Variants in ATP11B observed in about 807,000 individuals in gnomAD.
ATP11B encodes phospholipid-transporting ATPase IF.
ATP11B carries 81 observed loss-of-function variants against 157.8 expected under a neutral mutation model. That is an observed-to-expected ratio of 0.51 (90% CI 0.43 to 0.62). The LOEUF (loss-of-function observed/expected upper bound fraction) is 0.62. ATP11B is among the 20% of genes least tolerant of loss of function. The probability of loss-of-function intolerance (pLI) is 0.00; values close to 1 mark genes in which losing one functional copy is unlikely to be tolerated. For missense variants in ATP11B, 1,165 were observed against 1,402.2 expected (o/e 0.83, Z 2.70); for synonymous variants, 451 against 469.4 (o/e 0.96, Z 0.51).
At chr3:182,796,927 T>G (rs1294582584) in intron 1 of ATP11B, among the ~76,000 whole-genome samples, 1 of 152,216 alleles carries the variant, frequency 6.6e-6, no homozygotes, top group Non-Finnish European at 1.5e-5. Context: ...ATGTAATCCC[T>G]TTAGATTGTA....
At chr3:182,848,337 C>T (rs891555531) in intron 9 of ATP11B, 139 bp from the exon 10 acceptor site, 3 of 416,844 alleles carry the variant, frequency 7.2e-6, no homozygotes, top group African/African-American at 6.3e-5. Context: ...TTTTAGTACT[C>T]TGAAAATACT....
At chr3:182,844,525 C>T (rs1719313120) in intron 8 of ATP11B, 6 of 978,646 alleles carry the variant, frequency 6.1e-6, no homozygotes, top group Non-Finnish European at 7.3e-6. Flanking sequence ...TATTCCTTGT[C>T]GTTTTATATC....
intron 28 of ATP11B, among the ~76,000 whole-genome samples, chr3:182,909,230 G>A (rs890912218): frequency 1.2e-4 from 18 of 152,186 alleles, no homozygotes; most frequent in African/African-American, 4.1e-4. Context: ...AAAGCAGTGA[G>A]CCAGAATTTA....
intron 19 of ATP11B, among the ~76,000 whole-genome samples, chr3:182,878,870 G>C (rs563614058): frequency 6.6e-6 from 1 of 151,980 alleles, no homozygotes; most frequent in South Asian, 2.1e-4. Flanking sequence ...ATAATGTTTC[G>C]ATTTTTGTAA....
rs752556059 is a variant in ATP11B at position 182,865,568 on chromosome 3, C to G, written c.1313C>G (p.Pro438Arg). The change falls in exon 13 of 30, where the codon CCC (proline) becomes CGC (arginine). Residue 438 changes from proline to arginine, a missense_variant. By Grantham distance (103) the Pro-to-Arg change is moderately radical (BLOSUM62 -2). Around this residue, in one of 4 missense-constraint regions of ATP11B, gnomAD observed 737 missense variants for 930.5 expected, o/e 0.79. Transcript: ENST00000323116. ...CAAGAAATTAATGGTAGACTTGTAC[C>G]CGAAGGACCAACACCAGACTCTTCA... Reference protein sequence around the residue: ...KYQEINGRLVPEGPTPDSSEG... With the variant: ...KYQEINGRLVREGPTPDSSEG... 1.2e-6 allele frequency: 2 copies of G among 1,613,714 alleles called. No homozygotes were observed. The highest frequency in any genetic ancestry group is 1.7e-6 in the Non-Finnish European group (2 of 1,179,828).
chr3:182,907,726 C>T (rs1345631068), intron 28 of ATP11B, among the ~76,000 whole-genome samples: 2 of 152,178 alleles, frequency 1.3e-5, no homozygotes, highest in Admixed American at 1.3e-4. Context: ...GTCTACAAAG[C>T]AGATAATCTC....
intron 1 of ATP11B, among the ~76,000 whole-genome samples, chr3:182,802,246 A>C (rs1470490666): frequency 1.3e-5 from 2 of 152,202 alleles, no homozygotes; most frequent in Non-Finnish European, 2.9e-5. Context: ...AGATTATTGC[A>C]AAAGCTTCCT....
In ATP11B at chr3:182,875,431, TTTG is replaced by T. The variant is rs547456160; in HGVS notation, c.2252+1431_2252+1433del. On this transcript the variant is annotated intron_variant, in intron 19 of 29. Transcript: ENST00000323116. ...GCAGGGGATTTTTTGTTGTTGTTGT[TTTG>T]TTGTTGTTGTTGTTTGTTTGTTTTT... 3.9e-5 allele frequency among the ~76,000 whole-genome samples: 6 copies of T among 152,184 alleles called. No individual in the cohort carries two copies. In the East Asian group the frequency reaches 9.6e-4, roughly 24 times the overall value.
chr3:182,901,130 G>C (rs1001762047), intron 28 of ATP11B, among the ~76,000 whole-genome samples: 2 of 151,864 alleles, frequency 1.3e-5, no homozygotes, highest in Non-Finnish European at 2.9e-5. Context: ...CTGAGATGGC[G>C]CCACTGCACT....
intron 1 of ATP11B, among the ~76,000 whole-genome samples, chr3:182,815,943 A>G (rs191088254): frequency 2.8e-4 from 43 of 152,286 alleles, no homozygotes; most frequent in Admixed American, 1.1e-3. Flanking sequence ...ACCTCCTGCT[A>G]AAATTGATAT....
intron 12 of ATP11B, among the ~76,000 whole-genome samples, chr3:182,861,897 T>C: frequency 6.7e-6 from 1 of 148,594 alleles, no homozygotes; most frequent in East Asian, 2.0e-4. Context: ...TGAACCCTGG[T>C]CACACCACTG....
At chr3:182,838,697 A>G (rs1034960178) in intron 7 of ATP11B, among the ~76,000 whole-genome samples, 3 of 151,898 alleles carry the variant, frequency 2.0e-5, no homozygotes, top group Non-Finnish European at 2.9e-5. Flanking sequence ...TCCCTCCTTG[A>G]GGAACTCATA....
intron 19 of ATP11B, among the ~76,000 whole-genome samples, chr3:182,875,438 T>C (rs1577061956): frequency 1.3e-5 from 2 of 152,232 alleles, no homozygotes; most frequent in Admixed American, 1.3e-4. Flanking sequence ...TGTTTTGTTG[T>C]TGTTGTTGTT....
chr3:182,899,263 C>T (rs966182152), intron 28 of ATP11B, among the ~76,000 whole-genome samples: 3 of 150,102 alleles, frequency 2.0e-5, no homozygotes, highest in Non-Finnish European at 3.0e-5. Flanking sequence ...TCAAGCAATT[C>T]TCCTCTCTCA....
chr3:182,879,241 G>C (rs916156394), intron 19 of ATP11B, among the ~76,000 whole-genome samples: 6 of 152,166 alleles, frequency 3.9e-5, no homozygotes, highest in African/African-American at 1.4e-4. Flanking sequence ...CTGGGTGACA[G>C]AGCAAGACCC....
intron 1 of ATP11B, among the ~76,000 whole-genome samples, chr3:182,799,927 C>G (rs980823052): frequency 7.9e-5 from 12 of 152,018 alleles, no homozygotes; most frequent in African/African-American, 2.9e-4. Flanking sequence ...GATTGGGCAA[C>G]ATAGTGAGAC....
chr3:182,901,358 A>C (rs993865014), intron 28 of ATP11B, among the ~76,000 whole-genome samples: 10 of 151,680 alleles, frequency 6.6e-5, no homozygotes, highest in Admixed American at 2.0e-4. Context: ...AAAAAACAAA[A>C]AAAAAACCTT....
intron 2 of ATP11B, among the ~76,000 whole-genome samples, chr3:182,823,723 G>A (rs1192754797): frequency 1.3e-5 from 2 of 152,062 alleles, no homozygotes; most frequent in African/African-American, 2.4e-5. Flanking sequence ...CCATTTTCAC[G>A]ATGTTGATTC....
intron 9 of ATP11B, among the ~76,000 whole-genome samples, chr3:182,847,874 C>T (rs1489486535): frequency 1.3e-5 from 2 of 152,214 alleles, no homozygotes; most frequent in Admixed American, 1.3e-4. Flanking sequence ...GCTGGTCTCA[C>T]CTAATTCCAT....
Sources: gnomAD v4.1 joint callset for allele counts (sites outside exome capture counted in the v4.1 genomes callset) on GRCh38, gnomAD v4.1.1 for gene constraint, gnomAD v4.1.1 regional missense constraint, MANE v1.5 for transcripts, NCBI Gene and HGNC (gene_info 2026-07-23, HGNC 2026-07-21) for gene names.